Variants in SHISA9 observed in about 807,000 individuals in gnomAD.
SHISA9 encodes protein shisa-9.
A neutral mutation model predicts 38.0 loss-of-function variants in SHISA9; 13 were observed. The ratio of observed to expected loss-of-function variants is 0.34; its 90% CI spans 0.22 to 0.54. The LOEUF is 0.54. SHISA9 is among the 20% of genes least tolerant of loss of function. The pLI, the probability that SHISA9 is intolerant of heterozygous loss-of-function variation, is 0.91. For synonymous variants in SHISA9, 275 were observed against 242.0 expected (o/e 1.14, Z -1.27); for missense variants, 538 against 575.8 (o/e 0.93, Z 0.67).
At chr16:13,124,388 G>A (rs1410572809) in intron 2 of SHISA9, among the ~76,000 whole-genome samples, 2 of 152,190 alleles carry the variant, frequency 1.3e-5, no homozygotes, top group Non-Finnish European at 2.9e-5. Flanking sequence ...TAGGGAGATG[G>A]AGGAGGGATG....
intron 2 of SHISA9, among the ~76,000 whole-genome samples, chr16:13,014,704 G>C (rs1013704234): frequency 1.3e-5 from 2 of 152,184 alleles, no homozygotes; most frequent in Non-Finnish European, 2.9e-5. Context: ...CTGAGCCGGG[G>C]GTGGAATTCA....
the SHISA9 span, among the ~76,000 whole-genome samples, chr16:13,363,864 A>C: frequency 6.6e-6 from 1 of 152,224 alleles, no homozygotes; most frequent in Non-Finnish European, 1.5e-5. Context: ...GTCGAAGAGT[A>C]GTCCAAAGAC....
At chr16:13,070,909 G>T (rs528677443) in intron 2 of SHISA9, among the ~76,000 whole-genome samples, 11 of 152,328 alleles carry the variant, frequency 7.2e-5, no homozygotes, top group African/African-American at 1.9e-4. Context: ...GAGGGAAGAT[G>T]TGGGACCATG....
chr16:13,504,436 C>T, the SHISA9 span, among the ~76,000 whole-genome samples: 1 of 152,130 alleles, frequency 6.6e-6, no homozygotes, highest in Non-Finnish European at 1.5e-5. Context: ...TGCTCAAGCT[C>T]CTGGGAACAC....
intron 2 of SHISA9, among the ~76,000 whole-genome samples, chr16:13,035,966 T>C (rs951392005): frequency 6.6e-6 from 1 of 152,144 alleles, no homozygotes; most frequent in Admixed American, 6.5e-5. Context: ...TACCACCCAT[T>C]AGAATGGCTA....
At chr16:13,068,775 C>A (rs1225669778) in intron 2 of SHISA9, among the ~76,000 whole-genome samples, 1 of 152,146 alleles carries the variant, frequency 6.6e-6, no homozygotes, top group Non-Finnish European at 1.5e-5. Context: ...TATGTGTGCA[C>A]ACCTGCAATA....
In SHISA9 at chr16:13,235,138, C is replaced by A. The variant is rs1325954007; in HGVS notation, c.1004C>A (p.Ala335Asp). ...HPVRVEDEPRAFSPEHGPAKQ... is the reference protein window; with the variant it reads ...HPVRVEDEPRDFSPEHGPAKQ... The stretch of plus-strand genomic sequence containing the variant: ...GTAAGAGTGGAGGACGAGCCCCGGG[C>A]CTTCAGCCCTGAGCACGGTCCTGCC... Residue 335 changes from alanine to aspartate, a missense_variant, in exon 5 of 5, where the codon GCC becomes GAC. This residue lies in a region of SHISA9 where 326 missense variants were observed against 305.9 expected (regional missense o/e 1.07). Coordinates refer to ENST00000558583, the MANE Select transcript of SHISA9 (RefSeq NM_001145204.3). 4.5e-6 allele frequency: 7 copies of A among 1,551,738 alleles called. No homozygotes were observed. The South Asian group carries it at 8.3e-5, about 18-fold the overall frequency.
chr16:12,908,568 C>G (rs1473885126), intron 1 of SHISA9: 1 of 1,551,784 alleles, frequency 6.4e-7, no homozygotes, highest in East Asian at 2.4e-5. Flanking sequence ...GGACTTCAAA[C>G]CTGGACAGTC....
intron 1 of SHISA9, among the ~76,000 whole-genome samples, chr16:12,907,074 C>T (rs942651774): frequency 2.9e-5 from 4 of 140,072 alleles, no homozygotes; most frequent in Non-Finnish European, 6.2e-5. Flanking sequence ...CCCTCCCTTC[C>T]TCCTTTGTTT....
the SHISA9 span, among the ~76,000 whole-genome samples, chr16:13,513,516 A>G: frequency 6.6e-6 from 1 of 152,176 alleles, no homozygotes; most frequent in Non-Finnish European, 1.5e-5. Flanking sequence ...AAATCACTCT[A>G]CTATAAAGAC....
the SHISA9 span, among the ~76,000 whole-genome samples, chr16:13,395,041 C>A: frequency 6.6e-6 from 1 of 151,774 alleles, no homozygotes; most frequent in Non-Finnish European, 1.5e-5. Flanking sequence ...AGTGAAATCC[C>A]AGAAGGGGAA....
the SHISA9 span, among the ~76,000 whole-genome samples, chr16:13,528,424 T>A: frequency 1.1e-4 from 16 of 150,104 alleles, 1 homozygote; most frequent in Admixed American, 6.6e-4. Flanking sequence ...AAAAAAAAAA[T>A]AAGAAAAAAA....
intron 2 of SHISA9, among the ~76,000 whole-genome samples, chr16:13,024,106 G>C (rs892694348): frequency 6.6e-6 from 1 of 152,180 alleles, no homozygotes; most frequent in Non-Finnish European, 1.5e-5. Context: ...TTAGTGGATT[G>C]GTTATCTCCA....
chr16:13,296,074 A>G, the SHISA9 span, among the ~76,000 whole-genome samples: 1 of 152,222 alleles, frequency 6.6e-6, no homozygotes, highest in Admixed American at 6.5e-5. Context: ...TGTTAATCTC[A>G]ATTGTCACTC....
At chr16:12,929,149 G>A (rs923254083) in intron 2 of SHISA9, among the ~76,000 whole-genome samples, 16 of 152,304 alleles carry the variant, frequency 1.1e-4, no homozygotes, top group Admixed American at 9.8e-4. Context: ...ACAGATGCTG[G>A]CGAGGTTGAG....
At chr16:13,332,975 C>G in the SHISA9 span, among the ~76,000 whole-genome samples, 12,192 of 152,236 alleles carry the variant, frequency 0.08, 568 homozygotes, top group African/African-American at 0.11. Context: ...CTCTTTTGAA[C>G]TCTGCTTTTG....
intron 2 of SHISA9, among the ~76,000 whole-genome samples, chr16:12,978,076 G>T (rs1485262872): frequency 6.6e-6 from 1 of 152,164 alleles, no homozygotes; most frequent in African/African-American, 2.4e-5. Context: ...ACTAGTTGGT[G>T]CAAAGACAGG....
At chr16:13,200,440 A>ACACACAG (rs201359350) in intron 2 of SHISA9, among the ~76,000 whole-genome samples, 2 of 150,036 alleles carry the variant, frequency 1.3e-5, no homozygotes, top group Admixed American at 6.6e-5. Flanking sequence ...ACACACACAC[A>ACACACAG]CAGCAGCAGC....
rs140034518 is a variant in SHISA9 at position 13,144,701 on chromosome 16, T to G, written c.692-58693T>G. 5.6e-4 allele frequency among the ~76,000 whole-genome samples: 86 copies of G among 152,346 alleles called. 1 individual carries two copies. The East Asian group carries it at 9.8e-3, about 17-fold the overall frequency. ...AATAGATTTAATGGAAGCTAAAGTT[T>G]TATGCTGAAACTGGACTTCTGTTGA... On this transcript the variant is annotated intron_variant, in intron 2 of 4. Transcript: ENST00000558583.
Sources: allele counts gnomAD v4.1 joint callset (sites outside exome capture counted in the v4.1 genomes callset), GRCh38; gene constraint gnomAD v4.1.1; regional missense constraint gnomAD v4.1.1; transcripts MANE v1.5; gene names NCBI Gene and HGNC (gene_info 2026-07-23, HGNC 2026-07-21).